KHDRBS2: variants seen among roughly 807,000 people sequenced by gnomAD.
KHDRBS2 encodes the protein KH RNA binding domain containing, signal transduction associated 2.
In KHDRBS2, 26 loss-of-function variants were observed where a neutral mutation model predicts 44.3. The observed-to-expected ratio is 0.59, with a 90% CI of 0.43 to 0.81. KHDRBS2 has a LOEUF of 0.81. Ranked by LOEUF, KHDRBS2 falls within the 40% of genes least tolerant of loss-of-function variation. The pLI, the probability that KHDRBS2 is intolerant of heterozygous loss-of-function variation, is 0.00. For synonymous variants in KHDRBS2, 194 were observed against 151.1 expected, an observed-to-expected ratio of 1.28 and a Z score of -2.08; for missense variants, 476 against 433.1, an observed-to-expected ratio of 1.10 and a Z score of -0.88.
chr6:62,187,059 C>T (rs1375274957), intron 1 of KHDRBS2, among the ~76,000 whole-genome samples: 4 of 152,036 alleles, frequency 2.6e-5, no homozygotes, highest in African/African-American at 7.2e-5. Flanking sequence ...CATTGATATT[C>T]CACTTTGTGT....
chr6:61,638,849 A>G, the KHDRBS2 span, among the ~76,000 whole-genome samples: 1 of 152,094 alleles, frequency 6.6e-6, no homozygotes, highest in Admixed American at 6.6e-5. Context: ...TCTATCTTTA[A>G]TAGAGTTATC....
chr6:61,922,298 C>G (rs1246795739), intron 4 of KHDRBS2, among the ~76,000 whole-genome samples: 1 of 151,972 alleles, frequency 6.6e-6, no homozygotes, highest in Non-Finnish European at 1.5e-5. Flanking sequence ...CTGTGGTAAG[C>G]CCTATGTCTT....
the KHDRBS2 span, among the ~76,000 whole-genome samples, chr6:61,607,659 A>G: frequency 1.1e-3 from 160 of 152,062 alleles, no homozygotes; most frequent in African/African-American, 3.7e-3. Flanking sequence ...AGATGTAGAA[A>G]TTATGAATAG....
At chr6:61,747,458 T>C (rs1373443602) in intron 6 of KHDRBS2, among the ~76,000 whole-genome samples, 1 of 152,196 alleles carries the variant, frequency 6.6e-6, no homozygotes, top group South Asian at 2.1e-4. Flanking sequence ...TCTTTAGTAA[T>C]ATTTTTTCAA....
chr6:62,108,661 G>A (rs557398821), intron 2 of KHDRBS2, among the ~76,000 whole-genome samples: 25 of 152,152 alleles, frequency 1.6e-4, no homozygotes, highest in Admixed American at 1.2e-3. Flanking sequence ...TGTTCATTGC[G>A]GCACTATTCA....
intron 2 of KHDRBS2, among the ~76,000 whole-genome samples, chr6:62,077,886 T>A (rs1356199980): frequency 6.6e-6 from 1 of 151,986 alleles, no homozygotes; most frequent in Non-Finnish European, 1.5e-5. Flanking sequence ...ACATCAGAAA[T>A]GTACAGTGCC....
chr6:61,595,458 G>C, the KHDRBS2 span, among the ~76,000 whole-genome samples: 1 of 151,772 alleles, frequency 6.6e-6, no homozygotes, highest in Non-Finnish European at 1.5e-5. Context: ...TTTTTTCTTC[G>C]CTGAGAAACA....
chr6:61,898,137 C>T (rs1395829734), intron 5 of KHDRBS2, among the ~76,000 whole-genome samples: 11 of 151,886 alleles, frequency 7.2e-5, no homozygotes, highest in Admixed American at 4.6e-4. Context: ...TAGACATCAT[C>T]TTTTTGAATA....
chr6:62,089,268 C>A (rs376188875), intron 2 of KHDRBS2, among the ~76,000 whole-genome samples: 985 of 111,386 alleles, frequency 8.8e-3, no homozygotes, highest in Admixed American at 9.6e-3. Flanking sequence ...CACTGGGTTA[C>A]AAAAAAAAAA....
At position 62,088,281 on chromosome 6, in the gene KHDRBS2, T is replaced by C. The variant is rs151321480; in HGVS notation, c.220-40287A>G. Among the ~76,000 whole-genome samples the C allele has an allele frequency of 3.9e-3, 587 of 152,336 alleles. 2 individuals carry two copies. Among genetic ancestry groups the C allele is most frequent in the African/African-American group, 0.014 (565 of 41,580 alleles). On this transcript the variant is annotated intron_variant, in intron 2 of 8. Transcript: ENST00000281156. ...ATCTTTTGGAGGAGAAGAGGCATTC[T>C]GGCTTTTGGAATTTTCAGCCTTTTT...
chr6:61,901,120 T>C (rs866322827), intron 5 of KHDRBS2, 124 bp downstream of exon 5: 3 of 867,788 alleles, frequency 3.5e-6, no homozygotes, highest in African/African-American at 3.4e-5. Flanking sequence ...CGTTATTGTT[T>C]TTGCTGTGGT....
intron 2 of KHDRBS2, among the ~76,000 whole-genome samples, chr6:62,076,168 G>T (rs1419509235): frequency 1.3e-5 from 2 of 151,818 alleles, no homozygotes; most frequent in African/African-American, 4.8e-5. Flanking sequence ...TTGGATTAAA[G>T]AGTTTTTTCA....
chr6:61,783,302 T>C (rs1317564355), intron 6 of KHDRBS2, among the ~76,000 whole-genome samples: 1 of 152,140 alleles, frequency 6.6e-6, no homozygotes, highest in Admixed American at 6.6e-5. Flanking sequence ...CTGATACATC[T>C]TTACTCATCC....
chr6:61,993,789 A>C (rs1415507681), intron 3 of KHDRBS2, among the ~76,000 whole-genome samples: 1 of 151,362 alleles, frequency 6.6e-6, no homozygotes, highest in Non-Finnish European at 1.5e-5. Flanking sequence ...TCCTACAACA[A>C]CACTAGGGAT....
intron 6 of KHDRBS2, among the ~76,000 whole-genome samples, chr6:61,868,825 C>T (rs1457106004): frequency 6.6e-6 from 1 of 152,176 alleles, no homozygotes; most frequent in African/African-American, 2.4e-5. Flanking sequence ...GTATTATGGA[C>T]CTCCGGGCTT....
intron 3 of KHDRBS2, among the ~76,000 whole-genome samples, chr6:62,004,473 C>G (rs1320306061): frequency 1.3e-5 from 2 of 152,072 alleles, no homozygotes; most frequent in Non-Finnish European, 2.9e-5. Context: ...GACATTGAAT[C>G]CCTGAATAGA....
At chr6:61,665,507 C>G in the KHDRBS2 span, among the ~76,000 whole-genome samples, 2 of 151,200 alleles carry the variant, frequency 1.3e-5, no homozygotes. Flanking sequence ...TATTTCTAAA[C>G]TTTACTGGCT....
chr6:62,211,699 C>T (rs141309842), intron 1 of KHDRBS2, among the ~76,000 whole-genome samples: 2,205 of 152,296 alleles, frequency 0.014, 22 homozygotes, highest in Non-Finnish European at 0.02. Context: ...CTCTTATACA[C>T]TGTTGGTGGG....
chr6:61,637,090 T>G, the KHDRBS2 span, among the ~76,000 whole-genome samples: 1 of 152,078 alleles, frequency 6.6e-6, no homozygotes, highest in Admixed American at 6.6e-5. Flanking sequence ...TGTGCAGGTT[T>G]GTTACATACG....
Sources: allele counts gnomAD v4.1 joint callset (sites outside exome capture counted in the v4.1 genomes callset), GRCh38; gene constraint gnomAD v4.1.1; transcripts MANE v1.5; gene names NCBI Gene and HGNC (gene_info 2026-07-23, HGNC 2026-07-21).